The following PPP3CA variants were observed in gnomAD, a reference collection of about 807,000 sequenced individuals.
PPP3CA encodes the protein protein phosphatase 3 catalytic subunit alpha, also known as CAM-PRP catalytic subunit.
A neutral mutation model predicts 66.5 loss-of-function variants in PPP3CA; 14 were observed. The observed-to-expected ratio is 0.21, with a 90% confidence interval of 0.14 to 0.33. The LOEUF (loss-of-function observed/expected upper bound fraction) is 0.33. Ranked by LOEUF, PPP3CA falls within the 10% of genes least tolerant of loss-of-function variation. The probability of loss-of-function intolerance (pLI) is 1.00; values close to 1 mark genes in which losing one functional copy is unlikely to be tolerated. For missense variants in PPP3CA, 317 were observed against 639.5 expected (o/e 0.50, Z 5.44); for synonymous variants, 232 against 226.2 (o/e 1.03, Z -0.23).
chr4:101,063,022 GT>G (rs971469650), intron 9 of PPP3CA, among the ~76,000 whole-genome samples: 30 of 142,030 alleles, frequency 2.1e-4, no homozygotes, highest in East Asian at 6.1e-4. Flanking sequence ...CCTGTGTTTT[GT>G]TTTTTTTTTT....
intron 12 of PPP3CA, 85 bp from the exon 13 acceptor site, chr4:101,029,280 A>G (rs1726809484): frequency 8.0e-7 from 1 of 1,250,844 alleles, no homozygotes; most frequent in Non-Finnish European, 1.2e-6. Context: ...GTGACCATCA[A>G]AGGAGCTAAG....
At chr4:101,115,035 G>T (rs1721797124) in intron 2 of PPP3CA, among the ~76,000 whole-genome samples, 1 of 151,986 alleles carries the variant, frequency 6.6e-6, no homozygotes, top group Non-Finnish European at 1.5e-5. Flanking sequence ...AGACTAATGG[G>T]TGGTGTGGTA....
chr4:101,207,052 A>T (rs556499142), intron 1 of PPP3CA, among the ~76,000 whole-genome samples: 3 of 152,242 alleles, frequency 2.0e-5, no homozygotes, highest in African/African-American at 7.2e-5. Flanking sequence ...ACAAGAAAAA[A>T]AAATTGCAAA....
At chr4:101,145,633 G>A (rs566309534) in intron 2 of PPP3CA, among the ~76,000 whole-genome samples, 1 of 152,132 alleles carries the variant, frequency 6.6e-6, no homozygotes, top group East Asian at 1.9e-4. Context: ...AGGCTAAGAA[G>A]GGTAGTTGGG....
intron 8 of PPP3CA, among the ~76,000 whole-genome samples, chr4:101,074,348 G>T (rs1452186270): frequency 2.0e-5 from 3 of 151,138 alleles, no homozygotes; most frequent in African/African-American, 7.4e-5. Flanking sequence ...GTGAACCACA[G>T]GGGTAGCAGA....
intron 2 of PPP3CA, among the ~76,000 whole-genome samples, chr4:101,183,824 A>G (rs1724320526): frequency 6.6e-6 from 1 of 152,064 alleles, no homozygotes; most frequent in Non-Finnish European, 1.5e-5. Flanking sequence ...GCTTTTCCAC[A>G]TTCTTGCTTC....
At chr4:101,102,074 C>T (rs1205465100) in intron 3 of PPP3CA, among the ~76,000 whole-genome samples, 12 of 152,140 alleles carry the variant, frequency 7.9e-5, no homozygotes, top group Non-Finnish European at 1.3e-4. Flanking sequence ...TATATAAATG[C>T]ACGATGCTAA....
chr4:101,262,259 C>A (rs1727033228), intron 1 of PPP3CA, among the ~76,000 whole-genome samples: 1 of 151,988 alleles, frequency 6.6e-6, no homozygotes, highest in Non-Finnish European at 1.5e-5. Context: ...AAATTAATAA[C>A]AAGAGTATAT....
intron 1 of PPP3CA, among the ~76,000 whole-genome samples, chr4:101,211,200 C>T (rs1216823997): frequency 6.6e-6 from 1 of 151,966 alleles, no homozygotes; most frequent in Non-Finnish European, 1.5e-5. Flanking sequence ...TGCTTTGGGG[C>T]TGTGCTTTTA....
At chr4:101,184,101 G>A (rs918473375) in intron 2 of PPP3CA, among the ~76,000 whole-genome samples, 2 of 152,112 alleles carry the variant, frequency 1.3e-5, no homozygotes, top group African/African-American at 4.8e-5. Flanking sequence ...GACTCAACAG[G>A]GAAATGGATC....
intron 1 of PPP3CA, among the ~76,000 whole-genome samples, chr4:101,218,361 T>C (rs1725516481): frequency 6.6e-6 from 1 of 152,084 alleles, no homozygotes; most frequent in African/African-American, 2.4e-5. Context: ...TCAGCTAATA[T>C]TAAAAACTCC....
chr4:101,206,411 T>G (rs1725131672), intron 1 of PPP3CA, among the ~76,000 whole-genome samples: 1 of 152,224 alleles, frequency 6.6e-6, no homozygotes, highest in Non-Finnish European at 1.5e-5. Context: ...AATGAACAAT[T>G]TTATAATAAA....
intron 1 of PPP3CA, among the ~76,000 whole-genome samples, chr4:101,269,128 G>T (rs1469647207): frequency 6.6e-6 from 1 of 152,088 alleles, no homozygotes; most frequent in Admixed American, 6.6e-5. Flanking sequence ...ACTGCTGTAA[G>T]ATTACACAGA....
chr4:101,317,428 A>G (rs1728916727), intron 1 of PPP3CA, among the ~76,000 whole-genome samples: 1 of 152,152 alleles, frequency 6.6e-6, no homozygotes, highest in African/African-American at 2.4e-5. Context: ...TTATCTCCCC[A>G]TAATCTTTAA....
intron 3 of PPP3CA, among the ~76,000 whole-genome samples, chr4:101,106,453 GAGAAAAGAAAAGAAAAGAAAAGAAA>G (rs70961774): frequency 2.8e-5 from 1 of 35,516 alleles, no homozygotes; most frequent in East Asian, 7.6e-4. Context: ...AAGAAAGAAA[GAGAAAAGAAAAGAAAAGAAAAGAAA>G]AGAAAAGAAA....
intron 2 of PPP3CA, among the ~76,000 whole-genome samples, chr4:101,145,170 A>C (rs1560625422): frequency 6.6e-6 from 1 of 152,146 alleles, no homozygotes; most frequent in East Asian, 1.9e-4. Flanking sequence ...TTAAAAGGAA[A>C]CTTTGTCTGC....
chr4:101,033,292 AAACACACACACAC>A (rs1727088133), intron 11 of PPP3CA, among the ~76,000 whole-genome samples: 15 of 88,178 alleles, frequency 1.7e-4, no homozygotes, highest in Admixed American at 6.4e-4. Context: ...ACACACACAC[AAACACACACACAC>A]ACACACACAC....
intron 2 of PPP3CA, among the ~76,000 whole-genome samples, chr4:101,148,641 T>C (rs1723042124): frequency 6.6e-6 from 1 of 152,164 alleles, no homozygotes; most frequent in Non-Finnish European, 1.5e-5. Flanking sequence ...AGAAAGAAGC[T>C]GGATTGCCAC....
chr4:101,329,047 A>C (rs768652749), intron 1 of PPP3CA, among the ~76,000 whole-genome samples: 2 of 152,118 alleles, frequency 1.3e-5, no homozygotes, highest in Non-Finnish European at 2.9e-5. Flanking sequence ...TTTAAATCAA[A>C]AGGTAGAAAT....
Sources: allele counts gnomAD v4.1 joint callset (sites outside exome capture counted in the v4.1 genomes callset), GRCh38; gene constraint gnomAD v4.1.1; transcripts MANE v1.5; gene names NCBI Gene and HGNC (gene_info 2026-07-23, HGNC 2026-07-21).